ZNF536: variants seen among roughly 807,000 people sequenced by gnomAD.
ZNF536 encodes the protein zinc finger protein 536.
ZNF536 carries 13 observed loss-of-function variants against 84.5 expected under a neutral mutation model. That is an observed-to-expected ratio of 0.15 (90% CI 0.10 to 0.24). The LOEUF (loss-of-function observed/expected upper bound fraction) is 0.24. Ranked by LOEUF, ZNF536 falls within the 10% of genes least tolerant of loss-of-function variation. ZNF536 has a pLI of 1.00. For synonymous variants in ZNF536, 811 were observed against 742.5 expected, an observed-to-expected ratio of 1.09 and a Z score of -1.50; for missense variants, 1,536 against 1,747.5, an observed-to-expected ratio of 0.88 and a Z score of 2.16.
chr19:30,491,162 A>G (rs2054494574), intron 2 of ZNF536, among the ~76,000 whole-genome samples: 1 of 152,180 alleles, frequency 6.6e-6, no homozygotes, highest in Admixed American at 6.5e-5. Context: ...TGACTCAAGG[A>G]GCAGGGTGTT....
chr19:30,373,704 A>C (rs1193071688), intron 1 of ZNF536, among the ~76,000 whole-genome samples: 1 of 152,264 alleles, frequency 6.6e-6, no homozygotes, highest in Non-Finnish European at 1.5e-5. Context: ...CTGTGCTATC[A>C]CAACGCAGAG....
chr19:30,547,571 A>G (rs2045603839), intron 3 of ZNF536, among the ~76,000 whole-genome samples: 1 of 152,234 alleles, frequency 6.6e-6, no homozygotes, highest in Non-Finnish European at 1.5e-5. Flanking sequence ...TACACAAAAT[A>G]TTGCAACCAC....
At position 30,693,023 on chromosome 19, in the gene ZNF536, G is replaced by GGA. The variant is rs10547153; in HGVS notation, c.170-17708_170-17707dup. 1.8e-3 allele frequency among the ~76,000 whole-genome samples: 268 copies of GGA among 148,350 alleles called. 1 individual carries two copies. Among genetic ancestry groups the GGA allele is most frequent in the Admixed American group, 3.2e-3 (47 of 14,804 alleles). ...GTTTAGCAGCTCCAAAACCTGGGGG[G>GGA]GAGAGAGAGAGAGAGAGAGAGAGAG... On this transcript the variant is annotated intron_variant, in intron 1 of 1. Transcript: ENST00000592773.
intron 1 of ZNF536, among the ~76,000 whole-genome samples, chr19:30,572,254 C>T (rs528171055): frequency 6.6e-6 from 1 of 152,198 alleles, no homozygotes; most frequent in Admixed American, 6.5e-5. Context: ...CTGTGTGCTG[C>T]GTCTCACGGG....
chr19:30,672,697 T>C (rs1374742821), intron 1 of ZNF536, among the ~76,000 whole-genome samples: 1 of 152,176 alleles, frequency 6.6e-6, no homozygotes, highest in Non-Finnish European at 1.5e-5. Flanking sequence ...TTCTGTGACT[T>C]TAGTCCTTTG....
At chr19:30,524,150 G>T (rs1213257237) in intron 2 of ZNF536, among the ~76,000 whole-genome samples, 2 of 152,182 alleles carry the variant, frequency 1.3e-5, no homozygotes, top group Admixed American at 6.5e-5. Context: ...TGGTGTGTGT[G>T]TCTCTCATGC....
At chr19:30,326,532 G>A (rs897531460) in intron 2 of ZNF536, among the ~76,000 whole-genome samples, 1 of 152,112 alleles carries the variant, frequency 6.6e-6, no homozygotes, top group African/African-American at 2.4e-5. Flanking sequence ...CTTAAAGTTG[G>A]TCACTGACAA....
chr19:30,233,773 GGT>G (rs2023259781), intron 1 of ZNF536, among the ~76,000 whole-genome samples: 1 of 152,190 alleles, frequency 6.6e-6, no homozygotes, highest in South Asian at 2.1e-4. Context: ...AGGGGTAGGT[GGT>G]GGGTCTAGGA....
chr19:30,285,643 A>T lies in ZNF536; in HGVS notation c.-120+1502A>T, dbSNP rs528786513. ...GCTTCCCCAGAAATGCCCCTCTCTG[A>T]CCCATCCACTCCTCTAGCTGTGGCC... On this transcript the variant is annotated intron_variant, in intron 2 of 5. Transcript: ENST00000585628. Among the ~76,000 whole-genome samples the T allele has an allele frequency of 1.2e-4, 19 of 152,178 alleles. No homozygotes were observed. The South Asian group carries it at 3.9e-3, about 32-fold the overall frequency.
intron 2 of ZNF536, among the ~76,000 whole-genome samples, chr19:30,464,294 A>T (rs1408144685): frequency 6.6e-6 from 1 of 152,178 alleles, no homozygotes; most frequent in Non-Finnish European, 1.5e-5. Context: ...CAGGGATTTC[A>T]GAAAGGCACC....
At chr19:30,560,323 C>T (rs1568555140), downstream of ZNF536, among the ~76,000 whole-genome samples, 1 of 151,904 alleles carries the variant, frequency 6.6e-6, no homozygotes, top group East Asian at 1.9e-4. Context: ...ACAAGCCCAC[C>T]TCCCCCATAA....
intron 1 of ZNF536, among the ~76,000 whole-genome samples, chr19:30,586,334 G>A (rs1364031846): frequency 6.6e-6 from 1 of 152,234 alleles, no homozygotes; most frequent in African/African-American, 2.4e-5. Flanking sequence ...GTCCCAGCAT[G>A]CGCTGGTTAG....
chr19:30,462,275 GTTC>G lies in ZNF536; in HGVS notation c.2170+16546_2170+16548del, dbSNP rs758084992. On this transcript the variant is annotated intron_variant, in intron 2 of 4. Transcript: ENST00000355537. The stretch of plus-strand genomic sequence containing the variant: ...GTGATGGATGGGAGGAGGCCAGCAG[GTTC>G]TTTTCTTGTGATTTTGTGTGTGTGA... Among the ~76,000 whole-genome samples the G allele has an allele frequency of 1.8e-3, 270 of 151,220 alleles. 4 individuals are homozygous for G. Among genetic ancestry groups the G allele is most frequent in the Non-Finnish European group, 1.6e-3 (106 of 67,906 alleles).
At chr19:30,312,811 C>A (rs2046549923) in intron 2 of ZNF536, among the ~76,000 whole-genome samples, 2 of 152,194 alleles carry the variant, frequency 1.3e-5, no homozygotes, top group South Asian at 2.1e-4. Flanking sequence ...ATGTGCATTG[C>A]ACAGAGAGCC....
intron 2 of ZNF536, among the ~76,000 whole-genome samples, chr19:30,328,213 C>T (rs531538018): frequency 6.6e-6 from 1 of 152,272 alleles, no homozygotes; most frequent in South Asian, 2.1e-4. Flanking sequence ...AGGCATTGCC[C>T]AGCTCCAGTG....
At chr19:30,313,178 G>A (rs2046563655) in intron 2 of ZNF536, among the ~76,000 whole-genome samples, 1 of 152,236 alleles carries the variant, frequency 6.6e-6, no homozygotes. Context: ...AGTCTCTGCA[G>A]CCCGAGGCTT....
At chr19:30,669,924 T>C (rs1043771876) in intron 1 of ZNF536, among the ~76,000 whole-genome samples, 1 of 152,212 alleles carries the variant, frequency 6.6e-6, no homozygotes, top group African/African-American at 2.4e-5. Context: ...GACTGGATTG[T>C]TCCTGCTTCT....
chr19:30,576,719 C>T (rs2046750364), intron 1 of ZNF536, among the ~76,000 whole-genome samples: 1 of 152,216 alleles, frequency 6.6e-6, no homozygotes, highest in Non-Finnish European at 1.5e-5. Context: ...CACAGTGAGG[C>T]TTGTGGAGTT....
intron 1 of ZNF536, among the ~76,000 whole-genome samples, chr19:30,582,619 C>T (rs1313716595): frequency 6.6e-6 from 1 of 151,812 alleles, no homozygotes. Flanking sequence ...TAAAGACATA[C>T]CCAAGACTAG....
Sources: gnomAD v4.1 joint callset for allele counts (sites outside exome capture counted in the v4.1 genomes callset) on GRCh38, gnomAD v4.1.1 for gene constraint, MANE v1.5 for transcripts, NCBI Gene and HGNC (gene_info 2026-07-23, HGNC 2026-07-21) for gene names.